Variants in RABGAP1L observed in about 807,000 individuals in gnomAD.
The protein encoded by RABGAP1L is rab GTPase-activating protein 1-like.
Under a neutral mutation model 137.7 loss-of-function variants are expected in RABGAP1L, and 63 were observed. The observed-to-expected ratio is 0.46, with a 90% confidence interval of 0.37 to 0.56. The LOEUF (loss-of-function observed/expected upper bound fraction) is 0.56, where lower values mean the gene tolerates loss of function less well. Among genes scored for constraint, RABGAP1L ranks in the 20% least tolerant of loss-of-function variants. The pLI is 0.00. For synonymous variants in RABGAP1L, 431 were observed against 433.7 expected (o/e 0.99, Z 0.08); for missense variants, 1,095 against 1,244.0 (o/e 0.88, Z 1.80).
intron 11 of RABGAP1L, among the ~76,000 whole-genome samples, chr1:174,334,483 C>G (rs933889160): frequency 1.3e-5 from 2 of 152,172 alleles, no homozygotes; most frequent in African/African-American, 4.8e-5. Context: ...TTCTGTTTAC[C>G]ATGATTCACA....
At chr1:174,697,233 ATAAGACATCAGATGG>A (rs1220117002) in intron 15 of RABGAP1L, among the ~76,000 whole-genome samples, 1 of 152,250 alleles carries the variant, frequency 6.6e-6, no homozygotes, top group Non-Finnish European at 1.5e-5. Flanking sequence ...TATTCCCTTT[ATAAGACATCAGATGG>A]TAAGACATTT....
chr1:174,262,925 C>T (rs990647487), intron 7 of RABGAP1L, among the ~76,000 whole-genome samples: 2 of 152,200 alleles, frequency 1.3e-5, no homozygotes, highest in African/African-American at 4.8e-5. Flanking sequence ...TGATGTGTTA[C>T]ATTTATTGTT....
At chr1:174,630,364 G>T (rs1673262839) in intron 13 of RABGAP1L, among the ~76,000 whole-genome samples, 1 of 73,458 alleles carries the variant, frequency 1.4e-5, no homozygotes, top group African/African-American at 1.0e-4. Flanking sequence ...TTTTTTGGTT[G>T]TGTCTCTGCC....
At chr1:174,338,418 G>T (rs970621318) in intron 11 of RABGAP1L, among the ~76,000 whole-genome samples, 22 of 152,048 alleles carry the variant, frequency 1.4e-4, no homozygotes, top group African/African-American at 5.3e-4. Flanking sequence ...TCCTCATGCA[G>T]TTTTAAGGAG....
At chr1:174,738,100 T>C (rs1683100984) in intron 17 of RABGAP1L, among the ~76,000 whole-genome samples, 1 of 152,124 alleles carries the variant, frequency 6.6e-6, no homozygotes, top group African/African-American at 2.4e-5. Context: ...CATTAATACA[T>C]CTCTTTAATG....
intron 13 of RABGAP1L, among the ~76,000 whole-genome samples, chr1:174,635,560 T>C (rs1673940217): frequency 6.6e-6 from 1 of 152,212 alleles, no homozygotes; most frequent in South Asian, 2.1e-4. Context: ...TGCAGTTTTC[T>C]TTATCATTAG....
At chr1:174,696,450 T>C (rs898824092) in intron 15 of RABGAP1L, among the ~76,000 whole-genome samples, 1 of 152,130 alleles carries the variant, frequency 6.6e-6, no homozygotes, top group African/African-American at 2.4e-5. Context: ...GTACCCCAAG[T>C]CCACTGGCTT....
intron 19 of RABGAP1L, among the ~76,000 whole-genome samples, chr1:174,867,316 G>C (rs1489031572): frequency 1.3e-5 from 2 of 151,908 alleles, no homozygotes; most frequent in African/African-American, 4.8e-5. Context: ...GGGAGGTGGA[G>C]GTTGCAGTGG....
intron 15 of RABGAP1L, among the ~76,000 whole-genome samples, chr1:174,693,816 A>G (rs1033916199): frequency 6.6e-6 from 1 of 152,212 alleles, no homozygotes; most frequent in Non-Finnish European, 1.5e-5. Context: ...AAATGCATCT[A>G]TAAGTAAATT....
chr1:174,578,631 A>G (rs1002292590), intron 13 of RABGAP1L, among the ~76,000 whole-genome samples: 4 of 152,192 alleles, frequency 2.6e-5, no homozygotes, highest in African/African-American at 9.7e-5. Context: ...GAAGAGGTTA[A>G]TTTTAACAAA....
rs137990547 is a variant in RABGAP1L, at chr1:174,586,743, A to G, written c.1711-50632A>G. On this transcript the variant is annotated intron_variant, in intron 13 of 25. Transcript: ENST00000681986. ...CTCCCAAGTAGCTGGTATTATAGGCATGCACACCACACCCAGCTAATTTTG... is the reference window on the plus strand; with the variant it reads ...CTCCCAAGTAGCTGGTATTATAGGCGTGCACACCACACCCAGCTAATTTTG... Among the ~76,000 whole-genome samples the G allele has an allele frequency of 2.2e-4, 34 of 152,186 alleles. No homozygotes were observed. The East Asian group carries it at 6.2e-3, about 28-fold the overall frequency.
intron 3 of RABGAP1L, among the ~76,000 whole-genome samples, chr1:174,223,717 T>G (rs1395102023): frequency 6.6e-6 from 1 of 152,102 alleles, no homozygotes; most frequent in Non-Finnish European, 1.5e-5. Context: ...AATTTCAAAT[T>G]TTCAGTTATT....
At chr1:174,160,064 A>G (rs1386439318) in intron 1 of RABGAP1L, 1 of 152,194 alleles carries the variant, frequency 6.6e-6, no homozygotes, top group East Asian at 1.9e-4. Flanking sequence ...GCGAGTGGTT[A>G]GGGTATTTTC....
chr1:174,386,083 G>A (rs1286293033), intron 12 of RABGAP1L, among the ~76,000 whole-genome samples: 1 of 152,162 alleles, frequency 6.6e-6, no homozygotes, highest in Admixed American at 6.5e-5. Flanking sequence ...AAGAAAAGAT[G>A]TATATGTTGA....
intron 19 of RABGAP1L, among the ~76,000 whole-genome samples, chr1:174,944,367 G>C (rs1010083951): frequency 6.6e-6 from 1 of 151,336 alleles, no homozygotes; most frequent in Non-Finnish European, 1.5e-5. Flanking sequence ...TTCAAGGCCA[G>C]GTGTAGTGGC....
At chr1:174,627,806 T>A (rs946212346) in intron 13 of RABGAP1L, among the ~76,000 whole-genome samples, 1 of 152,110 alleles carries the variant, frequency 6.6e-6, no homozygotes, top group Non-Finnish European at 1.5e-5. Flanking sequence ...TTCTACTTTG[T>A]GATCTGAGTC....
At chr1:174,893,633 C>T (rs1181905031) in intron 19 of RABGAP1L, among the ~76,000 whole-genome samples, 1 of 152,202 alleles carries the variant, frequency 6.6e-6, no homozygotes, top group African/African-American at 2.4e-5. Flanking sequence ...GGCCTCACTA[C>T]AAGCCTTTTA....
In RABGAP1L at chr1:174,702,287, A is replaced by G. The variant is rs779969447; in HGVS notation, c.2169+31A>G. The G allele has an allele frequency of 1.2e-5, 18 of 1,538,964 alleles. No homozygotes were observed. In the East Asian group the frequency reaches 3.6e-4, roughly 31 times the overall value. On this transcript the variant is annotated intron_variant, in intron 17 of 25. Coordinates refer to ENST00000681986, the MANE Select transcript of RABGAP1L (RefSeq NM_001366446.1). ...GTGACTCCCATCTTTCACTAAGCCAAAATAGAAAGTAGTTTCTACTAAAAA... is the reference window on the plus strand; with the variant it reads ...GTGACTCCCATCTTTCACTAAGCCAGAATAGAAAGTAGTTTCTACTAAAAA...
At chr1:174,872,757 T>G (rs529684503) in intron 19 of RABGAP1L, among the ~76,000 whole-genome samples, 1 of 151,660 alleles carries the variant, frequency 6.6e-6, no homozygotes, top group African/African-American at 2.4e-5. Flanking sequence ...CCCAGGCTGG[T>G]TTTATAATAC....
Sources: allele counts gnomAD v4.1 joint callset (sites outside exome capture counted in the v4.1 genomes callset), GRCh38; gene constraint gnomAD v4.1.1; transcripts MANE v1.5; gene names NCBI Gene and HGNC (gene_info 2026-07-23, HGNC 2026-07-21).